The following TMC1 variants were observed in gnomAD, a reference collection of about 807,000 sequenced individuals.
The protein encoded by TMC1 is transmembrane channel-like protein 1.
In TMC1, 84 loss-of-function variants were observed where a neutral mutation model predicts 105.8. The ratio of observed to expected loss-of-function variants is 0.79; its 90% CI spans 0.67 to 0.95. TMC1 has a LOEUF of 0.95. Among genes scored for constraint, TMC1 ranks in the 40% least tolerant of loss-of-function variants. The pLI is 0.00. For missense variants in TMC1, 817 were observed against 914.1 expected (o/e 0.89, Z 1.37); for synonymous variants, 315 against 311.5 (o/e 1.01, Z -0.12).
chr9:72,769,681 T>G (rs1253205714), intron 12 of TMC1, among the ~76,000 whole-genome samples: 1 of 152,200 alleles, frequency 6.6e-6, no homozygotes, highest in East Asian at 1.9e-4. Flanking sequence ...CTCCTGAGGA[T>G]TCTGTGAGAT....
Position 72,789,233 on chromosome 9 carries a change from A to T in TMC1, c.1140A>T (p.Gly380=). The change falls in exon 15 of 24, where the codon GGA becomes GGT. Residue 380 remains glycine (G), a synonymous_variant. Transcript: ENST00000297784. ...TGTTTCTAACACTTGGAGGGAGTGG[A>T]TACCTCATCTTTTGGGCTGTGAAGC... is the stretch of plus-strand genomic sequence containing the variant. The part of the protein sequence containing the change: ...FFVFLTLGGS[G]YLIFWAVKRS... 1 of 1,614,020 alleles carries T rather than the reference A, an allele frequency of 6.2e-7. No individual in the cohort carries two copies. The highest frequency in any genetic ancestry group is 8.5e-7 in the Non-Finnish European group (1 of 1,179,930).
chr9:72,835,936 C>CTTT lies in TMC1; in HGVS notation c.2261-14_2261-13insTTT. 3.3e-6 allele frequency: 2 copies of CTTT among 603,552 alleles called. No individual in the cohort carries two copies. Among genetic ancestry groups the CTTT allele is most frequent in the Non-Finnish European group, 4.6e-6 (2 of 437,058 alleles). The allele number at this position is 603,552 out of a possible 1,614,324, so 37.4% of individuals were successfully genotyped here. ...CCTTGTTTTTTTTTTTTTTTTTTTT[C>CTTT]TGTTTTGTGAACAGCTGCAGCTGCT... is the stretch of plus-strand genomic sequence containing the variant. On this transcript the variant is annotated splice_polypyrimidine_tract_variant and intron_variant, in intron 23 of 23. Transcript: ENST00000297784.
intron 3 of TMC1, among the ~76,000 whole-genome samples, chr9:72,626,288 C>T (rs181250298): frequency 6.6e-4 from 100 of 152,232 alleles, no homozygotes; most frequent in Admixed American, 1.8e-3. Flanking sequence ...GGTGGTTTTT[C>T]CTACAGTAAT....
intron 19 of TMC1, 43 bp from the exon 20 acceptor site, chr9:72,820,799 G>C: frequency 1.2e-6 from 2 of 1,612,426 alleles, no homozygotes. Flanking sequence ...CTTTGTTATG[G>C]AGTAAAGACT....
chr9:72,650,903 AATAT>A (rs1008936256), intron 5 of TMC1, among the ~76,000 whole-genome samples: 4 of 126,746 alleles, frequency 3.2e-5, no homozygotes, highest in African/African-American at 9.2e-5. Context: ...TATATATATA[AATAT>A]ATATAGATAT....
In TMC1 at chr9:72,753,748, C is replaced by T. The variant is rs146186297; in HGVS notation, c.643-1038C>T. Reference sequence around the variant, plus strand: ...CAGCAACGCTGTATTTTTCAGCTGCCTCTACCCGACGGGCTCACTCAGTAT... The same window carrying T: ...CAGCAACGCTGTATTTTTCAGCTGCTTCTACCCGACGGGCTCACTCAGTAT... On this transcript the variant is annotated intron_variant, in intron 11 of 23. Transcript: ENST00000297784. 7.9e-5 allele frequency among the ~76,000 whole-genome samples: 12 copies of T among 152,298 alleles called. No individual in the cohort carries two copies. The East Asian group carries it at 2.3e-3, about 29-fold the overall frequency.
intron 6 of TMC1, among the ~76,000 whole-genome samples, chr9:72,692,262 G>A (rs1412681602): frequency 6.6e-6 from 1 of 152,170 alleles, no homozygotes; most frequent in Non-Finnish European, 1.5e-5. Flanking sequence ...TTGAACACAT[G>A]GTTCAGTTGT....
chr9:72,551,190 G>A (rs1587952029), intron 1 of TMC1, among the ~76,000 whole-genome samples: 1 of 152,154 alleles, frequency 6.6e-6, no homozygotes, highest in Non-Finnish European at 1.5e-5. Context: ...ATTTTAGTCC[G>A]ATGAGATTGA....
chr9:72,538,701 AGTGCT>A (rs1446119916), intron 1 of TMC1, among the ~76,000 whole-genome samples: 2 of 152,140 alleles, frequency 1.3e-5, no homozygotes, highest in Admixed American at 6.5e-5. Flanking sequence ...GGCCTCCCAA[AGTGCT>A]GGGATTACTG....
rs1193371227 is a variant in TMC1 at position 72,538,156 on chromosome 9, A to G, written c.-428+16243A>G. On this transcript the variant is annotated intron_variant, in intron 1 of 23. Transcript: ENST00000297784. ...GGGTGACAGAGCCAGACCCTGTCTG[A>G]AAAAAAAAAAAAAAAAAGTGAAAGT... 1.8e-4 allele frequency among the ~76,000 whole-genome samples: 4 copies of G among 22,022 alleles called. No homozygotes were observed. In the African/African-American group the frequency reaches 3.3e-3, roughly 18 times the overall value. The allele number at this position is 22,022 out of a possible 152,430, so 14.4% of individuals were successfully genotyped here.
chr9:72,651,566 G>C (rs1440182492), intron 5 of TMC1: 1 of 151,976 alleles, frequency 6.6e-6, no homozygotes, highest in Non-Finnish European at 1.5e-5. Flanking sequence ...GAACATTCAA[G>C]GGAATTTGAT....
chr9:72,557,366 C>CA (rs751003551), intron 1 of TMC1, among the ~76,000 whole-genome samples: 1 of 150,948 alleles, frequency 6.6e-6, no homozygotes, highest in Admixed American at 6.6e-5. Flanking sequence ...GTGAGACTCT[C>CA]AAAAAAACAA....
chr9:72,566,773 C>G (rs1352341708), intron 1 of TMC1, among the ~76,000 whole-genome samples: 1 of 152,144 alleles, frequency 6.6e-6, no homozygotes, highest in African/African-American at 2.4e-5. Flanking sequence ...TTGATTCTAT[C>G]CACTTGTCTC....
At position 72,603,551 on chromosome 9, in the gene TMC1, G is replaced by GTTT. The variant is rs1434560166; in HGVS notation, c.-305-12815_-305-12814insTTT. On this transcript the variant is annotated intron_variant, in intron 2 of 23. Coordinates refer to ENST00000297784, the MANE Select transcript of TMC1 (RefSeq NM_138691.3). The stretch of plus-strand genomic sequence containing the variant: ...AATGTTGCATTTAGTTTAGTTTAGT[G>GTTT]TTGTTGTTGTTGTTGTTGTTGTTGC... Among the ~76,000 whole-genome samples the GTTT allele has an allele frequency of 3.3e-5, 5 of 149,638 alleles. No individual in the cohort carries two copies. The South Asian group carries it at 6.3e-4, about 19-fold the overall frequency.
intron 12 of TMC1, among the ~76,000 whole-genome samples, chr9:72,768,579 G>C (rs1827874889): frequency 6.6e-6 from 1 of 151,868 alleles, no homozygotes; most frequent in Non-Finnish European, 1.5e-5. Context: ...AAACCTTTGT[G>C]AACTAATCAT....
intron 17 of TMC1, among the ~76,000 whole-genome samples, chr9:72,804,915 A>T (rs1828545878): frequency 6.6e-6 from 1 of 152,128 alleles, no homozygotes; most frequent in African/African-American, 2.4e-5. Flanking sequence ...TGAATTTTTA[A>T]TTTGTGACTT....
At chr9:72,767,954 C>T (rs1827865249) in intron 12 of TMC1, among the ~76,000 whole-genome samples, 1 of 152,174 alleles carries the variant, frequency 6.6e-6, no homozygotes, top group Admixed American at 6.5e-5. Context: ...GAGCGTTCTC[C>T]TTCTAAGCCC....
At chr9:72,569,888 T>G (rs182650235) in intron 1 of TMC1, among the ~76,000 whole-genome samples, 3 of 152,142 alleles carry the variant, frequency 2.0e-5, no homozygotes, top group Admixed American at 2.0e-4. Context: ...TTCCAAGGGT[T>G]AAGTCCTGAG....
At chr9:72,591,421 T>C (rs17095) in intron 2 of TMC1, among the ~76,000 whole-genome samples, 85,761 of 152,026 alleles carry the variant, frequency 0.56, 25,415 homozygotes, top group African/African-American at 0.76. Flanking sequence ...TGAGATTCAC[T>C]GTAGAAGGAA....
Sources: allele counts gnomAD v4.1 joint callset (sites outside exome capture counted in the v4.1 genomes callset), GRCh38; gene constraint gnomAD v4.1.1; transcripts MANE v1.5; gene names NCBI Gene and HGNC (gene_info 2026-07-23, HGNC 2026-07-21).